STEAP1B: variants seen among roughly 807,000 people sequenced by gnomAD.
The protein encoded by STEAP1B is STEAP family member 1B.
Under a neutral mutation model 27.9 loss-of-function variants are expected in STEAP1B, and 13 were observed. The ratio of observed to expected loss-of-function variants is 0.47; its 90% CI spans 0.30 to 0.74. The LOEUF (loss-of-function observed/expected upper bound fraction) is 0.74. Among genes scored for constraint, STEAP1B ranks in the 30% least tolerant of loss-of-function variants. STEAP1B has a pLI of 0.06. For missense variants in STEAP1B, 250 were observed against 298.7 expected (o/e 0.84, Z 1.20); for synonymous variants, 86 against 107.1 (o/e 0.80, Z 1.22).
Position 22,494,772 on chromosome 7 carries a change from C to G in STEAP1B, c.84G>C (p.Leu28Phe). ...ATTATTGTCATTATTAATATTTTAC[C>G]AAATAATCGTTGTCTTCTAAATTTC... ...PRRNLEDNDY[L>F]HEDTGETSML... The change falls in exon 2 of 5, where the codon TTG becomes TTC. Residue 28 changes from leucine to phenylalanine, a missense_variant and splice_region_variant. Physicochemically the swap from Leu to Phe is conservative, Grantham distance 22. Coordinates refer to ENST00000678116, the MANE Select transcript of STEAP1B (RefSeq NM_001382447.1). The G allele has an allele frequency of 6.7e-7, 1 of 1,499,344 alleles. No homozygotes were observed. Among genetic ancestry groups the G allele is most frequent in the Non-Finnish European group, 9.1e-7 (1 of 1,099,566 alleles). The allele number at this position is 1,499,344 out of a possible 1,614,324, so 92.9% of individuals were successfully genotyped here.
Position 22,466,421 on chromosome 7 carries a change from T to A in STEAP1B, c.762+26144A>T, listed in dbSNP as rs144677662. On this transcript the variant is annotated intron_variant, in intron 4 of 4. Coordinates refer to ENST00000678116, the MANE Select transcript of STEAP1B (RefSeq NM_001382447.1). ...CACAGTATCTACTGTTTTCTTTGTG[T>A]CCATGACAACATGTTGTTTTGAAAT... is the stretch of plus-strand genomic sequence containing the variant. Among the ~76,000 whole-genome samples, 180 of 138,994 alleles carry A rather than the reference T, an allele frequency of 1.3e-3. 2 individuals are homozygous for A. Among genetic ancestry groups the A allele is most frequent in the African/African-American group, 3.6e-3 (136 of 37,480 alleles). 91.2% of individuals were successfully genotyped at this position (138,994 alleles called of 152,430 possible). A position where few individuals can be genotyped will look rare whatever the true frequency, so the allele number is the denominator to read the frequency against.
chr7:22,472,892 C>A (rs1487929677), intron 4 of STEAP1B, among the ~76,000 whole-genome samples: 1 of 152,170 alleles, frequency 6.6e-6, no homozygotes, highest in Non-Finnish European at 1.5e-5. Flanking sequence ...GTGGCTTCAG[C>A]TGGCATCCAA....
chr7:22,465,055 GC>G (rs969873592), intron 4 of STEAP1B, among the ~76,000 whole-genome samples: 9 of 147,924 alleles, frequency 6.1e-5, no homozygotes, highest in Admixed American at 2.1e-4. Context: ...GCACCTTGGG[GC>G]CATTATTCAG....
chr7:22,471,544 A>C (rs1358089672), intron 4 of STEAP1B, among the ~76,000 whole-genome samples: 2 of 152,210 alleles, frequency 1.3e-5, no homozygotes, highest in African/African-American at 2.4e-5. Context: ...TAGATACTGT[A>C]CGAGAAATAG....
chr7:22,470,201 T>C (rs1367110988), intron 4 of STEAP1B, among the ~76,000 whole-genome samples: 4 of 152,172 alleles, frequency 2.6e-5, no homozygotes, highest in Non-Finnish European at 4.4e-5. Flanking sequence ...CTGGAGTATC[T>C]TGTGGTGCAG....
chr7:22,443,166 G>A (rs1329259567), intron 4 of STEAP1B, among the ~76,000 whole-genome samples: 2 of 152,058 alleles, frequency 1.3e-5, no homozygotes, highest in African/African-American at 4.8e-5. Flanking sequence ...AAATCTCCTG[G>A]AACAACTCTG....
intron 4 of STEAP1B, among the ~76,000 whole-genome samples, chr7:22,484,473 C>T (rs979545697): frequency 1.3e-5 from 2 of 152,222 alleles, no homozygotes; most frequent in African/African-American, 4.8e-5. Flanking sequence ...AGACCTACTG[C>T]TCATAATAAA....
At chr7:22,459,146 G>A (rs1305516902) in intron 4 of STEAP1B, among the ~76,000 whole-genome samples, 1 of 152,142 alleles carries the variant, frequency 6.6e-6, no homozygotes, top group Non-Finnish European at 1.5e-5. Flanking sequence ...TGTTTCCTCC[G>A]AGCTATTTGC....
At chr7:22,478,505 T>A (rs955653211) in intron 4 of STEAP1B, among the ~76,000 whole-genome samples, 5 of 152,184 alleles carry the variant, frequency 3.3e-5, no homozygotes, top group Admixed American at 2.6e-4. Context: ...TCTCTCAAGT[T>A]CTCTCAAGAT....
At chr7:22,432,380 T>C (rs977222764) in intron 4 of STEAP1B, among the ~76,000 whole-genome samples, 4 of 104,806 alleles carry the variant, frequency 3.8e-5, no homozygotes, top group African/African-American at 9.7e-5. Flanking sequence ...ACCTAATAAA[T>C]AAATAAATAA....
At chr7:22,489,578 T>C (rs1044097332) in intron 4 of STEAP1B, among the ~76,000 whole-genome samples, 1 of 152,070 alleles carries the variant, frequency 6.6e-6, no homozygotes, top group African/African-American at 2.4e-5. Flanking sequence ...AAGGAGAATT[T>C]TGGACACAGA....
At chr7:22,440,303 T>C (rs1455499765) in intron 4 of STEAP1B, among the ~76,000 whole-genome samples, 1 of 152,200 alleles carries the variant, frequency 6.6e-6, no homozygotes, top group African/African-American at 2.4e-5. Flanking sequence ...TTCTATTCTG[T>C]ACTGAAATGG....
At chr7:22,452,220 G>A (rs1450755298) in intron 4 of STEAP1B, among the ~76,000 whole-genome samples, 1 of 152,178 alleles carries the variant, frequency 6.6e-6, no homozygotes, top group Admixed American at 6.5e-5. Flanking sequence ...GCGAGGGCGT[G>A]GCTACTGCAG....
At chr7:22,440,963 T>C (rs868586521) in intron 4 of STEAP1B, among the ~76,000 whole-genome samples, 121 of 150,284 alleles carry the variant, frequency 8.1e-4, no homozygotes, top group Middle Eastern at 3.6e-3. Flanking sequence ...TTAAAATATA[T>C]GTTAAATTAT....
At chr7:22,428,544 C>T (rs560559747) in intron 4 of STEAP1B, among the ~76,000 whole-genome samples, 4 of 152,102 alleles carry the variant, frequency 2.6e-5, no homozygotes, top group South Asian at 2.1e-4. Flanking sequence ...GTCCAACTAA[C>T]GTCATAAACC....
intron 4 of STEAP1B, among the ~76,000 whole-genome samples, chr7:22,462,256 G>C (rs1297022569): frequency 6.6e-6 from 1 of 151,128 alleles, no homozygotes; most frequent in Admixed American, 6.6e-5. Context: ...TATACTTTAA[G>C]TTTTAGGGTA....
intron 4 of STEAP1B, among the ~76,000 whole-genome samples, chr7:22,439,541 G>C (rs1467722222): frequency 1.3e-5 from 2 of 152,002 alleles, no homozygotes; most frequent in Non-Finnish European, 2.9e-5. Flanking sequence ...CAGTTCAAAA[G>C]TTCCATATTG....
intron 4 of STEAP1B, among the ~76,000 whole-genome samples, chr7:22,456,077 G>A (rs1161819565): frequency 6.6e-6 from 1 of 151,998 alleles, no homozygotes; most frequent in Non-Finnish European, 1.5e-5. Context: ...AACCCAGGAG[G>A]CAGAGCTTGC....
rs1583644843 is a variant in STEAP1B, at chr7:22,466,059, T to C, written c.762+26506A>G. 3.3e-5 allele frequency among the ~76,000 whole-genome samples: 5 copies of C among 152,318 alleles called. No individual in the cohort carries two copies. In the South Asian group the frequency reaches 1.0e-3, roughly 32 times the overall value. ...ATTCAGGTGTGTGTGCCATACAGGC[T>C]CATTCTCAGGGTATGCTGAAGTTAC... is the stretch of plus-strand genomic sequence containing the variant. On this transcript the variant is annotated intron_variant, in intron 4 of 4. Coordinates refer to ENST00000678116, the MANE Select transcript of STEAP1B (RefSeq NM_001382447.1).
Sources: allele counts gnomAD v4.1 joint callset (sites outside exome capture counted in the v4.1 genomes callset), GRCh38; gene constraint gnomAD v4.1.1; transcripts MANE v1.5; gene names NCBI Gene and HGNC (gene_info 2026-07-23, HGNC 2026-07-21).